Variants in TNNI3K observed in about 807,000 individuals in gnomAD.
The protein encoded by TNNI3K is serine/threonine-protein kinase TNNI3K.
Under a neutral mutation model 114.5 loss-of-function variants are expected in TNNI3K, and 140 were observed. The observed-to-expected ratio is 1.22, with a 90% CI of 1.07 to 1.41. The LOEUF (loss-of-function observed/expected upper bound fraction) is 1.41, where lower values mean the gene tolerates loss of function less well. TNNI3K is among the 40% of genes most tolerant of loss of function. The pLI, the probability that TNNI3K is intolerant of heterozygous loss-of-function variation, is 0.00. For missense variants in TNNI3K, 1,125 were observed against 1,007.6 expected, an observed-to-expected ratio of 1.12 and a Z score of -1.58; for synonymous variants, 347 against 347.5, an observed-to-expected ratio of 1.00 and a Z score of 0.02.
At chr1:74,487,683 C>A (rs1668836574) in intron 21 of TNNI3K, among the ~76,000 whole-genome samples, 2 of 152,140 alleles carry the variant, frequency 1.3e-5, no homozygotes, top group African/African-American at 4.8e-5. Flanking sequence ...AGCAAAAAAA[C>A]AAGTAGGGAA....
intron 21 of TNNI3K, among the ~76,000 whole-genome samples, chr1:74,479,792 C>T (rs1161177906): frequency 2.0e-5 from 3 of 152,194 alleles, no homozygotes; most frequent in Admixed American, 6.5e-5. Context: ...ATAACAAATG[C>T]ACTAGTACTC....
intron 11 of TNNI3K, among the ~76,000 whole-genome samples, chr1:74,365,305 C>T (rs754695631): frequency 2.6e-4 from 39 of 152,120 alleles, no homozygotes; most frequent in Admixed American, 1.0e-3. Context: ...CTACCCTACA[C>T]GAAAATCTCA....
At chr1:74,471,198 CA>C (rs1667916815) in intron 21 of TNNI3K, 1 of 400,686 alleles carries the variant, frequency 2.5e-6, no homozygotes, top group Admixed American at 4.4e-5. Context: ...TAGCACTGAG[CA>C]GGGGGGCACG....
chr1:74,478,363 A>G (rs1468147634), intron 21 of TNNI3K, among the ~76,000 whole-genome samples: 2 of 152,206 alleles, frequency 1.3e-5, no homozygotes, highest in East Asian at 3.8e-4. Flanking sequence ...GCTCCCAGTC[A>G]TTTTGACAAA....
intron 23 of TNNI3K, among the ~76,000 whole-genome samples, chr1:74,508,606 G>A (rs372997185): frequency 1.1e-4 from 16 of 152,158 alleles, no homozygotes; most frequent in East Asian, 1.9e-4. Flanking sequence ...GATAAGTAGC[G>A]AATCAGTCTG....
chr1:74,528,790 A>G (rs1414483269), intron 23 of TNNI3K, among the ~76,000 whole-genome samples: 1 of 152,212 alleles, frequency 6.6e-6, no homozygotes, highest in Non-Finnish European at 1.5e-5. Flanking sequence ...CGGCACTTCA[A>G]CTGCAGGAAC....
At chr1:74,405,376 G>T (rs192806372) in intron 17 of TNNI3K, among the ~76,000 whole-genome samples, 63 of 152,290 alleles carry the variant, frequency 4.1e-4, no homozygotes, top group Admixed American at 1.2e-3. Flanking sequence ...TTGGAACTAT[G>T]AGGAGTCATT....
intron 3 of TNNI3K, 93 bp from the exon 4 acceptor site, chr1:74,250,579 A>T: frequency 9.1e-7 from 1 of 1,093,954 alleles, no homozygotes; most frequent in Non-Finnish European, 1.3e-6. Flanking sequence ...ACATTTTTAT[A>T]CAGCTGTATG....
chr1:74,281,111 G>A (rs1219627883), intron 5 of TNNI3K, among the ~76,000 whole-genome samples: 2 of 152,128 alleles, frequency 1.3e-5, no homozygotes, highest in African/African-American at 2.4e-5. Flanking sequence ...AAGGACCCAG[G>A]CCTGGAAGGA....
chr1:74,510,836 T>G (rs1358234344), intron 23 of TNNI3K, among the ~76,000 whole-genome samples: 1 of 152,236 alleles, frequency 6.6e-6, no homozygotes, highest in Non-Finnish European at 1.5e-5. Context: ...AGGCCCAGTA[T>G]TTTGATAGCT....
At chr1:74,407,562 G>T (rs1180218357) in intron 17 of TNNI3K, among the ~76,000 whole-genome samples, 1 of 152,056 alleles carries the variant, frequency 6.6e-6, no homozygotes, top group Non-Finnish European at 1.5e-5. Context: ...TATTTGAGTG[G>T]AATTTGGTCT....
At chr1:74,489,900 G>C (rs749636711) in intron 22 of TNNI3K, among the ~76,000 whole-genome samples, 6 of 151,946 alleles carry the variant, frequency 3.9e-5, no homozygotes, top group Non-Finnish European at 8.8e-5. Flanking sequence ...AAGTGTTACT[G>C]GTGGAGGAAG....
chr1:74,426,335 T>G (rs1188442086), intron 17 of TNNI3K, among the ~76,000 whole-genome samples: 1 of 152,238 alleles, frequency 6.6e-6, no homozygotes, highest in East Asian at 2.0e-4. Flanking sequence ...GAGGTCAAGC[T>G]CTGCAGGAGC....
rs1038077152 is a variant in TNNI3K at position 74,543,899 on chromosome 1, G to A, written c.2432-7G>A. The A allele has an allele frequency of 7.4e-6, 12 of 1,613,314 alleles. No homozygotes were observed. Among genetic ancestry groups the A allele is most frequent in the African/African-American group, 2.7e-5 (2 of 74,882 alleles). On this transcript the variant is annotated splice_polypyrimidine_tract_variant and splice_region_variant and intron_variant, in intron 24 of 24. Transcript: ENST00000326637. ...TAAGTAACAACTGAACTTCTTTTCT[G>A]ATGCAGGCTATGTATCCGATCCCAT...
At chr1:74,372,060 C>T (rs970975409) in intron 17 of TNNI3K, 6 of 146,048 alleles carry the variant, frequency 4.1e-5, no homozygotes, top group Non-Finnish European at 7.4e-5. Context: ...AATACATACT[C>T]CAATTAGCAG....
intron 4 of TNNI3K, among the ~76,000 whole-genome samples, chr1:74,270,725 A>G (rs929939470): frequency 1.1e-4 from 16 of 151,754 alleles, no homozygotes; most frequent in Admixed American, 7.2e-4. Flanking sequence ...CTTTATTGCT[A>G]CTTGGTGTGT....
chr1:74,452,486 C>T (rs981820481), intron 20 of TNNI3K, among the ~76,000 whole-genome samples: 2 of 152,006 alleles, frequency 1.3e-5, no homozygotes, highest in African/African-American at 4.8e-5. Flanking sequence ...AAATTATTTT[C>T]CTATTTTCAG....
chr1:74,482,993 T>C (rs1017741615), intron 21 of TNNI3K, among the ~76,000 whole-genome samples: 1 of 152,236 alleles, frequency 6.6e-6, no homozygotes, highest in African/African-American at 2.4e-5. Flanking sequence ...GATATATTTG[T>C]TAAGTGTGTA....
At chr1:74,418,067 C>G in intron 17 of TNNI3K, 1 of 378,876 alleles carries the variant, frequency 2.6e-6, no homozygotes, top group Non-Finnish European at 5.2e-6. Context: ...TCATCTGACT[C>G]TTACATTCAA....
Sources: allele counts gnomAD v4.1 joint callset (sites outside exome capture counted in the v4.1 genomes callset), GRCh38; gene constraint gnomAD v4.1.1; transcripts MANE v1.5; gene names NCBI Gene and HGNC (gene_info 2026-07-23, HGNC 2026-07-21).